Variants in SIPA1L2 observed in about 807,000 individuals in gnomAD.
The protein encoded by SIPA1L2 is signal-induced proliferation-associated 1-like protein 2.
Under a neutral mutation model 163.9 loss-of-function variants are expected in SIPA1L2, and 56 were observed. The observed-to-expected ratio is 0.34, with a 90% CI of 0.28 to 0.43. The LOEUF (loss-of-function observed/expected upper bound fraction) is 0.43, where lower values mean the gene tolerates loss of function less well. Ranked by LOEUF, SIPA1L2 falls within the 20% of genes least tolerant of loss-of-function variation. The pLI, the probability that SIPA1L2 is intolerant of heterozygous loss-of-function variation, is 1.00. For synonymous variants in SIPA1L2, 877 were observed against 865.7 expected (o/e 1.01, Z -0.23); for missense variants, 1,974 against 2,193.5 (o/e 0.90, Z 2.00).
intron 1 of SIPA1L2, among the ~76,000 whole-genome samples, chr1:232,601,788 G>C (rs1661607410): frequency 1.3e-5 from 2 of 152,082 alleles, no homozygotes; most frequent in East Asian, 3.8e-4. Flanking sequence ...TTTTCAACCA[G>C]GTAGATAAAA....
In SIPA1L2 at chr1:232,492,382, C is replaced by A. The variant is rs114279156; in HGVS notation, c.1617+1145G>T. 4.4e-3 allele frequency among the ~76,000 whole-genome samples: 672 copies of A among 152,226 alleles called. 7 individuals carry two copies. Among genetic ancestry groups the A allele is most frequent in the African/African-American group, 0.015 (642 of 41,538 alleles). ...ATAGGGTCTTGCTATATTGCCCAGG[C>A]TGGAGTGCAGGGCCTATTCACAGGT... On this transcript the variant is annotated intron_variant, in intron 4 of 22. Coordinates refer to ENST00000674635, the MANE Select transcript of SIPA1L2 (RefSeq NM_020808.5).
chr1:232,399,374 T>C (rs996368179), intron 22 of SIPA1L2, 101 bp from the exon 23 acceptor site: 3 of 1,347,332 alleles, frequency 2.2e-6, no homozygotes, highest in Admixed American at 4.7e-5. Flanking sequence ...TTTACTTATG[T>C]ACTTTTTGAG....
At chr1:232,625,794 A>G (rs12354057) in intron 1 of SIPA1L2, among the ~76,000 whole-genome samples, 1 of 152,200 alleles carries the variant, frequency 6.6e-6, no homozygotes, top group Admixed American at 6.5e-5. Flanking sequence ...TCTAGTACTC[A>G]AAACCATTAA....
chr1:232,607,090 CAA>C (rs1183816083), intron 1 of SIPA1L2, among the ~76,000 whole-genome samples: 2 of 151,936 alleles, frequency 1.3e-5, no homozygotes, highest in Non-Finnish European at 2.9e-5. Context: ...TTCAGTCATT[CAA>C]ATATTTTAAC....
chr1:232,463,783 TC>T (rs2102925680), intron 9 of SIPA1L2, among the ~76,000 whole-genome samples: 1 of 152,338 alleles, frequency 6.6e-6, no homozygotes, highest in Non-Finnish European at 1.5e-5. Context: ...ATTTACTTAA[TC>T]ACCCCAAACT....
chr1:232,453,314 T>C (rs1254179820), intron 10 of SIPA1L2, among the ~76,000 whole-genome samples: 1 of 152,134 alleles, frequency 6.6e-6, no homozygotes, highest in Non-Finnish European at 1.5e-5. Flanking sequence ...TACATATTCT[T>C]ATCAAAAAAA....
intron 1 of SIPA1L2, among the ~76,000 whole-genome samples, chr1:232,581,415 T>C (rs1054014751): frequency 6.6e-6 from 1 of 152,136 alleles, no homozygotes; most frequent in African/African-American, 2.4e-5. Context: ...GAAAGGGCTG[T>C]TATGCAGAGC....
chr1:232,521,952 C>A (rs1158196343), intron 2 of SIPA1L2, among the ~76,000 whole-genome samples: 1 of 152,046 alleles, frequency 6.6e-6, no homozygotes, highest in Non-Finnish European at 1.5e-5. Context: ...TCCTGCCTAC[C>A]CCTCCCTGCA....
At chr1:232,490,056 A>G (rs1013091766) in intron 5 of SIPA1L2, among the ~76,000 whole-genome samples, 5 of 152,114 alleles carry the variant, frequency 3.3e-5, no homozygotes, top group African/African-American at 1.2e-4. Flanking sequence ...AGCTCTGATC[A>G]CGTCACATCC....
chr1:232,577,215 A>G (rs1055695145), intron 1 of SIPA1L2, among the ~76,000 whole-genome samples: 7 of 152,202 alleles, frequency 4.6e-5, no homozygotes, highest in South Asian at 2.1e-4. Flanking sequence ...CCCGTGCTCT[A>G]TCATTGGAAC....
At chr1:232,593,704 C>G (rs1428184162) in intron 1 of SIPA1L2, among the ~76,000 whole-genome samples, 2 of 151,430 alleles carry the variant, frequency 1.3e-5, no homozygotes, top group African/African-American at 4.9e-5. Context: ...TGAAAAGATA[C>G]AAATTCTCAG....
rs578186045 is a variant in SIPA1L2, at chr1:232,622,132, A to G, written c.-319+7737T>C. Among the ~76,000 whole-genome samples the G allele has an allele frequency of 2.6e-5, 4 of 152,398 alleles. No homozygotes were observed. In the East Asian group the frequency reaches 5.8e-4, roughly 22 times the overall value. On this transcript the variant is annotated intron_variant, in intron 1 of 22. Coordinates refer to ENST00000674635, the MANE Select transcript of SIPA1L2 (RefSeq NM_020808.5). ...AAATTGGATGCTTCTACTATCATGT[A>G]TGCCTTGCTTACAGCACTTATCACA...
intron 10 of SIPA1L2, among the ~76,000 whole-genome samples, chr1:232,451,649 G>A (rs746672094): frequency 2.6e-5 from 4 of 152,064 alleles, no homozygotes; most frequent in Non-Finnish European, 5.9e-5. Context: ...GCTTCCTCTC[G>A]ATATACCAAA....
At position 232,439,412 on chromosome 1, in the gene SIPA1L2, C is replaced by G. The variant is rs1271097797; in HGVS notation, c.3727G>C (p.Gly1243Arg). Reference protein sequence around the residue: ...TSSNSDDKHFGSGDLMDPELL... With the variant: ...TSSNSDDKHFRSGDLMDPELL... ...TCGGGGTCCATCAGGTCGCCAGACC[C>G]AAAGTGCTTGTCGTCACTGTTGCTG... is the stretch of plus-strand genomic sequence containing the variant. Residue 1243 changes from glycine to arginine, a missense_variant, in exon 15 of 23, where the codon GGG (glycine) becomes CGG (arginine). Coordinates refer to ENST00000674635, the MANE Select transcript of SIPA1L2 (RefSeq NM_020808.5). The G allele has an allele frequency of 3.7e-6, 6 of 1,614,100 alleles. No individual in the cohort carries two copies. Among genetic ancestry groups the G allele is most frequent in the Non-Finnish European group, 4.2e-6 (5 of 1,180,046 alleles).
intron 1 of SIPA1L2, among the ~76,000 whole-genome samples, chr1:232,596,389 C>G (rs1661255290): frequency 6.6e-6 from 1 of 152,214 alleles, no homozygotes; most frequent in Non-Finnish European, 1.5e-5. Flanking sequence ...CAAACACACA[C>G]TGCCACTGAG....
chr1:232,477,022 G>T (rs1017074038), intron 7 of SIPA1L2, among the ~76,000 whole-genome samples: 7 of 152,138 alleles, frequency 4.6e-5, no homozygotes, highest in African/African-American at 1.7e-4. Context: ...TGTGGGCATG[G>T]ATGGTGAGGG....
intron 5 of SIPA1L2, among the ~76,000 whole-genome samples, chr1:232,488,244 C>T (rs1173953766): frequency 4.6e-5 from 7 of 152,262 alleles, no homozygotes; most frequent in East Asian, 3.9e-4. Context: ...TGAGCTACCG[C>T]GCCCAGCCCA....
chr1:232,414,482 G>A (rs901001366), intron 19 of SIPA1L2, among the ~76,000 whole-genome samples: 1 of 152,180 alleles, frequency 6.6e-6, no homozygotes, highest in African/African-American at 2.4e-5. Context: ...GGTGTCACAG[G>A]TGATGGGGCT....
At chr1:232,573,986 C>A (rs555459204) in intron 2 of SIPA1L2, among the ~76,000 whole-genome samples, 188 bp downstream of exon 2, 1 of 152,160 alleles carries the variant, frequency 6.6e-6, no homozygotes, top group East Asian at 1.9e-4. Flanking sequence ...CTCCAAAATT[C>A]AAATGAGCTT....
Sources: gnomAD v4.1 joint callset for allele counts (sites outside exome capture counted in the v4.1 genomes callset) on GRCh38, gnomAD v4.1.1 for gene constraint, MANE v1.5 for transcripts, NCBI Gene and HGNC (gene_info 2026-07-23, HGNC 2026-07-21) for gene names.